EWSR1: variants seen among roughly 807,000 people sequenced by gnomAD.
EWSR1 encodes EWS RNA binding protein 1, also known as RNA-binding protein EWS.
In EWSR1, 14 loss-of-function variants were observed where a neutral mutation model predicts 92.1. That is an observed-to-expected ratio of 0.15 (90% CI 0.10 to 0.24). EWSR1 has a LOEUF of 0.24. EWSR1 is among the 10% of genes least tolerant of loss of function. The pLI, the probability that EWSR1 is intolerant of heterozygous loss-of-function variation, is 1.00. For synonymous variants in EWSR1, 303 were observed against 292.9 expected (o/e 1.03, Z -0.35); for missense variants, 637 against 870.9 (o/e 0.73, Z 3.38).
intron 7 of EWSR1, among the ~76,000 whole-genome samples, chr22:29,288,382 G>A (rs2060207666): frequency 6.6e-6 from 1 of 152,152 alleles, no homozygotes; most frequent in African/African-American, 2.4e-5. Context: ...ATTTAGAAGA[G>A]GTTTATTATA....
Position 29,269,322 on chromosome 22 carries a change from G to A in EWSR1, c.13+973G>A, listed in dbSNP as rs2058449369. 3 of 152,356 alleles carry A rather than the reference G, an allele frequency of 2.0e-5. No homozygotes were observed. In the South Asian group the frequency reaches 6.2e-4, roughly 32 times the overall value. The allele number at this position is 152,356 out of a possible 1,614,324, so 9.4% of individuals were successfully genotyped here. ...GGTCGACAGAGGAGAGGGGAAAAAA[G>A]GCCAGTAGAAGCAATCTTAAAGGCA... On this transcript the variant is annotated intron_variant, in intron 1 of 16. Coordinates refer to ENST00000397938, the MANE Select transcript of EWSR1 (RefSeq NM_005243.4).
At position 29,272,375 on chromosome 22, in the gene EWSR1, T is replaced by C; in HGVS notation, c.51-5T>C. 2 of 1,613,920 alleles carry C rather than the reference T, an allele frequency of 1.2e-6. No individual in the cohort carries two copies. The highest frequency in any genetic ancestry group is 1.7e-5 in the Admixed American group (1 of 60,028). ...TTCAAGTTATTGCATTTAATTCTTT[T>C]GCAGCTACAGTGCTTACACCGCCCA... On this transcript the variant is annotated splice_region_variant and splice_polypyrimidine_tract_variant and intron_variant, in intron 2 of 16. Transcript: ENST00000397938.
intron 1 of EWSR1, among the ~76,000 whole-genome samples, chr22:29,270,593 A>T (rs895830712): frequency 7.9e-5 from 12 of 152,242 alleles, no homozygotes; most frequent in African/African-American, 2.7e-4. Context: ...TCTCACTGAT[A>T]AGAGGTCATT....
intron 12 of EWSR1, among the ~76,000 whole-genome samples, chr22:29,296,738 C>T (rs1229545325): frequency 6.6e-6 from 1 of 152,146 alleles, no homozygotes; most frequent in Non-Finnish European, 1.5e-5. Context: ...ACAAAACCAA[C>T]TTGAAAGCAT....
At chr22:29,277,890 T>A (rs1406960301) in intron 4 of EWSR1, 140 bp from the exon 5 acceptor site, 2 of 702,310 alleles carry the variant, frequency 2.8e-6, no homozygotes, top group Non-Finnish European at 4.6e-6. Flanking sequence ...TTGTTGCTAC[T>A]CTTGCGGAAG....
At chr22:29,296,070 T>G (rs1269284020) in intron 11 of EWSR1, 169 bp from the exon 12 acceptor site, 6 of 685,434 alleles carry the variant, frequency 8.8e-6, no homozygotes, top group Admixed American at 3.1e-5. Flanking sequence ...AAAGCAGGGA[T>G]AGAGGAGAAA....
chr22:29,286,135 G>A (rs1209227385), intron 6 of EWSR1, among the ~76,000 whole-genome samples: 2 of 148,932 alleles, frequency 1.3e-5, no homozygotes, highest in South Asian at 4.6e-4. Flanking sequence ...CACCGCACCC[G>A]GCCTGATTTT....
Position 29,282,437 on chromosome 22 carries a change from G to A in EWSR1, c.461G>A (p.Ser154Asn), listed in dbSNP as rs2059680919. The stretch of plus-strand genomic sequence containing the variant: ...ACTGAGACTAGTCAACCTCAATCTA[G>A]CACAGGGGGTTACAACCAGCCCAGC... ...KPTETSQPQSSTGGYNQPSLG... is the reference protein window; with the variant it reads ...KPTETSQPQSNTGGYNQPSLG... The change falls in exon 6 of 17, where the codon AGC becomes AAC. Residue 154 changes from serine (S) to asparagine (N), a missense_variant. Ser to Asn is a conservative substitution (Grantham distance 46). Around this residue, in one of 5 missense-constraint regions of EWSR1, gnomAD observed 144 missense variants for 189.0 expected, o/e 0.76. Transcript: ENST00000397938. 1.9e-6 allele frequency: 3 copies of A among 1,596,636 alleles called. No homozygotes were observed. Among genetic ancestry groups the A allele is most frequent in the African/African-American group, 1.4e-5 (1 of 73,776 alleles).
intron 4 of EWSR1, chr22:29,274,218 T>C (rs1412849134): frequency 1.2e-6 from 2 of 1,606,194 alleles, no homozygotes; most frequent in Non-Finnish European, 1.7e-6. Flanking sequence ...ACATGTTTGC[T>C]TCATCTGATA....
At chr22:29,297,800 A>G in intron 12 of EWSR1, 27 bp from the exon 13 acceptor site, 1 of 1,612,996 alleles carries the variant, frequency 6.2e-7, no homozygotes. Flanking sequence ...ACAGGGGAGT[A>G]ATTGATGTTC....
chr22:29,271,833 C>T (rs1483674852), intron 1 of EWSR1, among the ~76,000 whole-genome samples: 2 of 152,084 alleles, frequency 1.3e-5, no homozygotes, highest in African/African-American at 2.4e-5. Context: ...TGTTGCATGC[C>T]TCCGTTTTAT....
chr22:29,288,017 GATAA>G (rs1454908817), intron 7 of EWSR1, among the ~76,000 whole-genome samples: 2 of 152,070 alleles, frequency 1.3e-5, no homozygotes, highest in African/African-American at 2.4e-5. Context: ...TCTTTTTAAA[GATAA>G]ATAAAGATTC....
At chr22:29,268,490 G>T in intron 1 of EWSR1, 141 bp downstream of exon 1, 1 of 1,493,006 alleles carries the variant, frequency 6.7e-7, no homozygotes, top group Non-Finnish European at 9.3e-7. Context: ...CGACGAGCTC[G>T]GGGATCCGCA....
Position 29,299,586 on chromosome 22 carries a change from A to AT in EWSR1, c.1679-11dup. 2.5e-6 allele frequency: 4 copies of AT among 1,579,606 alleles called. No individual in the cohort carries two copies. Among genetic ancestry groups the AT allele is most frequent in the Non-Finnish European group, 3.5e-6 (4 of 1,158,828 alleles). ...ACCCACTGACTGCTTTCGCCCTGCT[A>AT]TTCTCACCTTAGGTGGTGATCGTGG... On this transcript the variant is annotated splice_polypyrimidine_tract_variant and intron_variant, in intron 15 of 16. Coordinates refer to ENST00000397938, the MANE Select transcript of EWSR1 (RefSeq NM_005243.4).
chr22:29,286,847 C>G (rs2060080414), intron 6 of EWSR1, 76 bp from the exon 7 acceptor site: 3 of 1,151,680 alleles, frequency 2.6e-6, no homozygotes, highest in African/African-American at 1.5e-5. Flanking sequence ...GTGAATGTCT[C>G]TTTTATTCAG....
chr22:29,282,052 A>T (rs942353410), intron 5 of EWSR1, among the ~76,000 whole-genome samples: 2 of 152,222 alleles, frequency 1.3e-5, no homozygotes, highest in South Asian at 2.1e-4. Flanking sequence ...TCCCTAACAG[A>T]TCACTTCTCC....
chr22:29,277,511 GATTAA>G (rs1267657737), intron 4 of EWSR1: 4 of 227,382 alleles, frequency 1.8e-5, no homozygotes, highest in Admixed American at 1.1e-4. Flanking sequence ...AAAAGAAAGT[GATTAA>G]ATTAATTACT....
Position 29,288,599 on chromosome 22 carries a change from T to C in EWSR1, c.794-7T>C, listed in dbSNP as rs757183281. On this transcript the variant is annotated splice_region_variant and splice_polypyrimidine_tract_variant and intron_variant, in intron 7 of 16. Transcript: ENST00000397938. ...TCCATGGCTTACAGATGTGACTCTTTCCTCAGGTTCATTCCGACAGGACCA... is the reference window on the plus strand; with the variant it reads ...TCCATGGCTTACAGATGTGACTCTTCCCTCAGGTTCATTCCGACAGGACCA... The C allele has an allele frequency of 1.8e-5, 29 of 1,606,870 alleles. No individual in the cohort carries two copies. The highest frequency in any genetic ancestry group is 1.0e-4 in the Admixed American group (6 of 59,222).
intron 12 of EWSR1, 88 bp from the exon 13 acceptor site, chr22:29,297,739 G>A (rs2147780735): frequency 1.3e-6 from 2 of 1,521,918 alleles, no homozygotes; most frequent in East Asian, 4.5e-5. Context: ...CAGACCTAAT[G>A]CATCTGGGAG....
Sources: gnomAD v4.1 joint callset for allele counts (sites outside exome capture counted in the v4.1 genomes callset) on GRCh38, gnomAD v4.1.1 for gene constraint, gnomAD v4.1.1 regional missense constraint, MANE v1.5 for transcripts, NCBI Gene and HGNC (gene_info 2026-07-23, HGNC 2026-07-21) for gene names.